Variants in PHF21B observed in about 807,000 individuals in gnomAD.
PHF21B encodes the protein PHD finger protein 4.
In PHF21B, 22 loss-of-function variants were observed where a neutral mutation model predicts 62.2. The observed-to-expected ratio is 0.35, with a 90% CI of 0.25 to 0.51. PHF21B has a LOEUF of 0.51. PHF21B is among the 20% of genes least tolerant of loss of function. The pLI is 0.97. For synonymous variants in PHF21B, 341 were observed against 314.7 expected, an observed-to-expected ratio of 1.08 and a Z score of -0.88; for missense variants, 701 against 707.9, an observed-to-expected ratio of 0.99 and a Z score of 0.11.
chr22:45,000,598 G>C (rs1180208666), intron 2 of PHF21B: 1 of 152,302 alleles, frequency 6.6e-6, no homozygotes, highest in Non-Finnish European at 1.5e-5. Context: ...AAAATTCAAA[G>C]TTAATTGAAA....
chr22:44,949,301 CA>C (rs1173438062), intron 2 of PHF21B, among the ~76,000 whole-genome samples: 24 of 42,466 alleles, frequency 5.7e-4, no homozygotes, highest in Non-Finnish European at 1.1e-3. Flanking sequence ...AACTCCATCT[CA>C]AAAAAAAGAA....
chr22:44,958,278 C>T (rs906043972), intron 2 of PHF21B, among the ~76,000 whole-genome samples: 2 of 152,144 alleles, frequency 1.3e-5, no homozygotes, highest in Non-Finnish European at 2.9e-5. Context: ...GACTCTCTCC[C>T]TACACAGTGA....
intron 6 of PHF21B, among the ~76,000 whole-genome samples, chr22:44,894,707 C>T (rs1345191329): frequency 6.6e-6 from 1 of 152,160 alleles, no homozygotes; most frequent in Non-Finnish European, 1.5e-5. Context: ...GGCTTCCCTG[C>T]CCAGGGATCT....
At chr22:44,962,500 G>A (rs748167297) in intron 2 of PHF21B, among the ~76,000 whole-genome samples, 10 of 152,196 alleles carry the variant, frequency 6.6e-5, no homozygotes, top group Admixed American at 1.3e-4. Flanking sequence ...AGTATCACAT[G>A]GAATAGTGCT....
At position 44,885,496 on chromosome 22, in the gene PHF21B, C is replaced by T. The variant is rs1245431766; in HGVS notation, c.1307G>A (p.Arg436Gln). ...GTGCTCGTTCTGCAGCTCACTGCCTCGTTGCAGCAGCTTCTGCTTCTCCTC... is the reference window on the plus strand; with the variant it reads ...GTGCTCGTTCTGCAGCTCACTGCCTTGTTGCAGCAGCTTCTGCTTCTCCTC... ...KEEEKQKLLQ[R>Q]GSELQNEHQQ... is the part of the protein sequence containing the mutation. Residue 436 changes from arginine (R) to glutamine (Q), a missense_variant, in exon 12 of 13, where the codon CGA becomes CAA. Transcript: ENST00000313237. 3.8e-6 allele frequency: 6 copies of T among 1,598,878 alleles called. No homozygotes were observed. The highest frequency in any genetic ancestry group is 1.7e-5 in the Admixed American group (1 of 57,904).
chr22:44,883,494 C>T (rs953536229), intron 12 of PHF21B, among the ~76,000 whole-genome samples, 190 bp from the exon 13 acceptor site: 5 of 152,172 alleles, frequency 3.3e-5, no homozygotes, highest in African/African-American at 9.7e-5. Flanking sequence ...AGATGATGCT[C>T]GCTTTGGAAC....
chr22:44,995,030 C>A (rs768168238), intron 2 of PHF21B, among the ~76,000 whole-genome samples: 2 of 152,248 alleles, frequency 1.3e-5, no homozygotes, highest in African/African-American at 2.4e-5. Flanking sequence ...GCTCTCAGAG[C>A]TGTGTTTGCC....
At chr22:44,979,417 C>T (rs1307222602) in intron 2 of PHF21B, among the ~76,000 whole-genome samples, 1 of 152,246 alleles carries the variant, frequency 6.6e-6, no homozygotes, top group African/African-American at 2.4e-5. Flanking sequence ...GTCTTAAGGA[C>T]AGGCGGGGCT....
At chr22:45,008,841 C>CCGAGGG in intron 1 of PHF21B, 1 of 1,182,860 alleles carries the variant, frequency 8.5e-7, no homozygotes, top group Non-Finnish European at 1.0e-6. Flanking sequence ...GGGCGGGGGC[C>CCGAGGG]GAGGCCACCC....
chr22:44,975,866 A>T (rs981674338), intron 2 of PHF21B, among the ~76,000 whole-genome samples: 7 of 152,222 alleles, frequency 4.6e-5, no homozygotes, highest in Non-Finnish European at 8.8e-5. Flanking sequence ...TAAAAAGAAA[A>T]CCTATTTTAA....
At position 44,987,323 on chromosome 22, in the gene PHF21B, G is replaced by A. The variant is rs2072968144; in HGVS notation, c.120+21222C>T. Among the ~76,000 whole-genome samples, 3 of 152,226 alleles carry A rather than the reference G, an allele frequency of 2.0e-5. No homozygotes were observed. The South Asian group carries it at 6.2e-4, about 32-fold the overall frequency. ...CAAAGAGGTGAGAAGGAAGGCCAGT[G>A]GGACCCCCGGGGAGACCAATGTTTC... On this transcript the variant is annotated intron_variant, in intron 2 of 12. Coordinates refer to ENST00000313237, the MANE Select transcript of PHF21B (RefSeq NM_138415.5).
chr22:44,991,157 T>C (rs1353240355), intron 2 of PHF21B, among the ~76,000 whole-genome samples: 2 of 152,214 alleles, frequency 1.3e-5, no homozygotes, highest in East Asian at 1.9e-4. Context: ...TCATTAACAC[T>C]AGTAATTTTA....
At chr22:44,943,983 T>C (rs2072013809) in intron 2 of PHF21B, among the ~76,000 whole-genome samples, 1 of 152,178 alleles carries the variant, frequency 6.6e-6, no homozygotes, top group Non-Finnish European at 1.5e-5. Context: ...AACAGTACAC[T>C]TGGACCCTGA....
In PHF21B at chr22:44,887,994, C is replaced by A. The variant is rs1168301678; in HGVS notation, c.1166G>T (p.Gly389Val). ...CTGGCACCTGGGGCACACCCACACG[C>A]CCTTGGGCGCCGTCTTGAGGGGCGG... ...LEPPLKTAPK[G>V]VWVCPRCQQK... The change falls in exon 10 of 13, where the codon GGC (glycine) becomes GTC (valine). Residue 389 changes from glycine (G) to valine (V), a missense_variant. Coordinates refer to ENST00000313237, the MANE Select transcript of PHF21B (RefSeq NM_138415.5). The A allele has an allele frequency of 5.7e-6, 9 of 1,569,036 alleles. No individual in the cohort carries two copies. Among genetic ancestry groups the A allele is most frequent in the Non-Finnish European group, 4.3e-6 (5 of 1,158,090 alleles).
chr22:44,960,005 C>T (rs1362705359), intron 2 of PHF21B, among the ~76,000 whole-genome samples: 2 of 152,204 alleles, frequency 1.3e-5, no homozygotes, highest in African/African-American at 2.4e-5. Flanking sequence ...GCGGGCCCTC[C>T]GCTGTGTGAC....
Position 45,009,544 on chromosome 22 carries a change from C to T in PHF21B, c.6G>A (p.Glu2=). The part of the protein sequence containing the change: M[E]LQSRPEALAV... ...CGAGCGCCTCGGGCCGGCTCTGCAG[C>T]TCCATCCCGGCAACTTGGGCAGCAC... Residue 2 remains glutamate, a synonymous_variant, in exon 1 of 13, where the codon GAG becomes GAA. Transcript: ENST00000313237. The surrounding 1 kb of genome is among the most constrained non-coding windows in gnomAD (Gnocchi z 5.9). 6.4e-7 allele frequency: 1 copy of T among 1,574,476 alleles called. No homozygotes were observed. Among genetic ancestry groups the T allele is most frequent in the South Asian group, 1.1e-5 (1 of 87,592 alleles).
intron 2 of PHF21B, among the ~76,000 whole-genome samples, chr22:44,938,203 T>C (rs1297647679): frequency 1.3e-5 from 2 of 152,276 alleles, no homozygotes; most frequent in East Asian, 3.9e-4. Context: ...GTCTCCCGAG[T>C]AGCTGGGATT....
intron 5 of PHF21B, among the ~76,000 whole-genome samples, chr22:44,898,883 A>T (rs2071106537): frequency 6.6e-6 from 1 of 152,202 alleles, no homozygotes; most frequent in Non-Finnish European, 1.5e-5. Context: ...CCATTTACTG[A>T]AAATTCCATC....
intron 2 of PHF21B, among the ~76,000 whole-genome samples, chr22:44,980,448 G>A (rs956343153): frequency 3.3e-5 from 5 of 152,206 alleles, no homozygotes; most frequent in African/African-American, 1.2e-4. Flanking sequence ...CACACAGGGC[G>A]TCCACACTGC....
Sources: gnomAD v4.1 joint callset for allele counts (sites outside exome capture counted in the v4.1 genomes callset) on GRCh38, gnomAD v4.1.1 for gene constraint, Gnocchi (gnomAD v3.1) non-coding constraint, MANE v1.5 for transcripts, NCBI Gene and HGNC (gene_info 2026-07-23, HGNC 2026-07-21) for gene names.